GRM1: variants seen among roughly 807,000 people sequenced by gnomAD.
The protein encoded by GRM1 is metabotropic glutamate receptor 1.
In GRM1, 33 loss-of-function variants were observed where a neutral mutation model predicts 90.9. The observed-to-expected ratio is 0.36, with a 90% CI of 0.28 to 0.49. GRM1 has a LOEUF of 0.49. Among genes scored for constraint, GRM1 ranks in the 20% least tolerant of loss-of-function variants. GRM1 has a pLI of 0.99. For synonymous variants in GRM1, 700 were observed against 613.2 expected, an observed-to-expected ratio of 1.14 and a Z score of -2.09; for missense variants, 1,190 against 1,534.3, an observed-to-expected ratio of 0.78 and a Z score of 3.75.
chr6:146,256,790 C>A (rs543197845), intron 2 of GRM1, among the ~76,000 whole-genome samples: 21 of 152,230 alleles, frequency 1.4e-4, no homozygotes, highest in Non-Finnish European at 2.1e-4. Flanking sequence ...CTATACAATG[C>A]TGCTTGTCAT....
intron 7 of GRM1, among the ~76,000 whole-genome samples, chr6:146,407,888 G>A (rs1453110809): frequency 1.3e-5 from 2 of 152,182 alleles, no homozygotes; most frequent in Non-Finnish European, 2.9e-5. Flanking sequence ...CAATCTCATT[G>A]TGTGCATGAA....
intron 7 of GRM1, among the ~76,000 whole-genome samples, chr6:146,425,290 G>A (rs1196920874): frequency 6.6e-6 from 1 of 152,180 alleles, no homozygotes; most frequent in Non-Finnish European, 1.5e-5. Context: ...ATCTGTTCCA[G>A]AGTATTCTTG....
chr6:146,106,136 T>C lies in GRM1; in HGVS notation c.701-53212T>C, dbSNP rs1326184652. ...TGCGTCATTAAGCATAATTTGTATT[T>C]TGTCATGGGGTGGTAACATTTATTT... On this transcript the variant is annotated intron_variant, in intron 1 of 7. Coordinates refer to ENST00000282753, the MANE Select transcript of GRM1 (RefSeq NM_001278064.2). Among the ~76,000 whole-genome samples the C allele has an allele frequency of 2.6e-5, 4 of 152,222 alleles. No homozygotes were observed. In the East Asian group the frequency reaches 7.7e-4, roughly 29 times the overall value.
At chr6:146,274,090 A>G (rs1297430326) in intron 2 of GRM1, among the ~76,000 whole-genome samples, 1 of 152,240 alleles carries the variant, frequency 6.6e-6, no homozygotes, top group Non-Finnish European at 1.5e-5. Flanking sequence ...TACAATAAGA[A>G]TGTATCTTTG....
intron 2 of GRM1, among the ~76,000 whole-genome samples, chr6:146,219,907 T>TTG (rs113309622): frequency 0.077 from 11,412 of 148,400 alleles, 984 homozygotes; most frequent in African/African-American, 0.21. Context: ...TCTTGTTGTT[T>TTG]TGTGTGTGTG....
intron 1 of GRM1, among the ~76,000 whole-genome samples, chr6:146,090,457 A>G (rs758939633): frequency 1.2e-4 from 18 of 152,142 alleles, no homozygotes; most frequent in Non-Finnish European, 2.1e-4. Context: ...CTGATTAAGA[A>G]ATACAATAAA....
chr6:146,089,015 C>G (rs1412381387), intron 1 of GRM1, among the ~76,000 whole-genome samples: 1 of 152,094 alleles, frequency 6.6e-6, no homozygotes, highest in Non-Finnish European at 1.5e-5. Context: ...ATTTCTTCTT[C>G]TTGAGTGTGG....
chr6:146,034,727 G>T (rs952560867), intron 1 of GRM1, among the ~76,000 whole-genome samples: 1 of 151,972 alleles, frequency 6.6e-6, no homozygotes, highest in South Asian at 2.1e-4. Context: ...GCTAATTCTG[G>T]TGTTCACTCA....
At chr6:146,336,457 T>C (rs943580778) in intron 3 of GRM1, among the ~76,000 whole-genome samples, 1 of 152,160 alleles carries the variant, frequency 6.6e-6, no homozygotes, top group Non-Finnish European at 1.5e-5. Context: ...AACTCCACTA[T>C]CCATCATTGG....
intron 1 of GRM1, among the ~76,000 whole-genome samples, chr6:146,116,426 T>C (rs1049572775): frequency 6.6e-6 from 1 of 152,188 alleles, no homozygotes; most frequent in Admixed American, 6.5e-5. Context: ...TAATGCCAAA[T>C]GATCATTATA....
rs148262649 is a variant in GRM1, at chr6:146,431,302, T to A, written c.2661-2570T>A. On this transcript the variant is annotated intron_variant, in intron 7 of 7. Coordinates refer to ENST00000282753, the MANE Select transcript of GRM1 (RefSeq NM_001278064.2). ...CCCATCTCAACAATAAAAATTGGAT[T>A]TAATTAAAACAGAACTAAATTCTGA... 3.6e-3 allele frequency among the ~76,000 whole-genome samples: 554 copies of A among 152,274 alleles called. 4 individuals carry two copies. The highest frequency in any genetic ancestry group is 0.013 in the African/African-American group (535 of 41,550).
chr6:146,167,913 T>C (rs1308776116), intron 2 of GRM1, among the ~76,000 whole-genome samples: 1 of 152,074 alleles, frequency 6.6e-6, no homozygotes, highest in East Asian at 1.9e-4. Flanking sequence ...AATTTCTTCT[T>C]TTATGGTTTA....
At chr6:146,393,959 A>G (rs768992911) in intron 6 of GRM1, among the ~76,000 whole-genome samples, 99 of 152,062 alleles carry the variant, frequency 6.5e-4, no homozygotes, top group Non-Finnish European at 1.1e-3. Flanking sequence ...GAAGTAACAC[A>G]CACATCTACA....
intron 1 of GRM1, among the ~76,000 whole-genome samples, chr6:146,140,553 G>A (rs751874992): frequency 6.6e-6 from 1 of 152,124 alleles, no homozygotes; most frequent in Non-Finnish European, 1.5e-5. Context: ...ATAGGCATGA[G>A]CCGCCACACC....
In GRM1 at chr6:146,105,017, C is replaced by A. The variant is rs190616131; in HGVS notation, c.701-54331C>A. Among the ~76,000 whole-genome samples, 4 of 152,200 alleles carry A rather than the reference C, an allele frequency of 2.6e-5. No homozygotes were observed. The East Asian group carries it at 7.7e-4, about 29-fold the overall frequency. ...TTCTGGTAAAGTCCTCTTTCTTGACCTGAGTGATTTTTTATGGATATTTCC... is the reference window on the plus strand; with the variant it reads ...TTCTGGTAAAGTCCTCTTTCTTGACATGAGTGATTTTTTATGGATATTTCC... On this transcript the variant is annotated intron_variant, in intron 1 of 7. Coordinates refer to ENST00000282753, the MANE Select transcript of GRM1 (RefSeq NM_001278064.2).
chr6:146,079,808 G>A (rs1373500388), intron 1 of GRM1, among the ~76,000 whole-genome samples: 1 of 152,180 alleles, frequency 6.6e-6, no homozygotes, highest in African/African-American at 2.4e-5. Flanking sequence ...GCCAGGCGTT[G>A]TAGAGGAACT....
intron 5 of GRM1, among the ~76,000 whole-genome samples, chr6:146,373,071 C>T (rs370328351): frequency 7.9e-5 from 12 of 152,150 alleles, no homozygotes; most frequent in African/African-American, 2.6e-4. Context: ...GGCATTTTAA[C>T]GATATTGGTT....
intron 7 of GRM1, among the ~76,000 whole-genome samples, chr6:146,410,505 T>G (rs1254589654): frequency 6.6e-6 from 1 of 150,518 alleles, no homozygotes; most frequent in Non-Finnish European, 1.5e-5. Flanking sequence ...TGTAGGGGAG[T>G]AGAGGAATAC....
At chr6:146,103,900 AT>A (rs1367890151) in intron 1 of GRM1, among the ~76,000 whole-genome samples, 1 of 152,176 alleles carries the variant, frequency 6.6e-6, no homozygotes, top group Non-Finnish European at 1.5e-5. Context: ...GGGAACACAG[AT>A]GAGGGGGCAA....
Sources: allele counts gnomAD v4.1 joint callset (sites outside exome capture counted in the v4.1 genomes callset), GRCh38; gene constraint gnomAD v4.1.1; transcripts MANE v1.5; gene names NCBI Gene and HGNC (gene_info 2026-07-23, HGNC 2026-07-21).